The following CFAP54 variants were observed in gnomAD, a reference collection of about 807,000 sequenced individuals.
CFAP54 encodes cilia and flagella associated protein 54.
CFAP54 carries 290 observed loss-of-function variants against 370.4 expected under a neutral mutation model. The ratio of observed to expected loss-of-function variants is 0.78; its 90% CI spans 0.71 to 0.86. The LOEUF (loss-of-function observed/expected upper bound fraction) is 0.86, where lower values mean the gene tolerates loss of function less well. Ranked by LOEUF, CFAP54 falls within the 40% of genes least tolerant of loss-of-function variation. The pLI is 0.00. For synonymous variants in CFAP54, 1,206 were observed against 1,236.5 expected (o/e 0.98, Z 0.52); for missense variants, 3,399 against 3,528.7 (o/e 0.96, Z 0.93).
At chr12:96,556,487 C>G (rs902773421) in intron 17 of CFAP54, among the ~76,000 whole-genome samples, 1 of 151,780 alleles carries the variant, frequency 6.6e-6, no homozygotes, top group Non-Finnish European at 1.5e-5. Context: ...ATTGCTGTAA[C>G]AAATTACTAC....
intron 2 of CFAP54, among the ~76,000 whole-genome samples, chr12:96,502,982 G>A (rs1328821279): frequency 3.3e-5 from 5 of 151,684 alleles, no homozygotes; most frequent in Non-Finnish European, 7.4e-5. Flanking sequence ...CTCTTCTTTG[G>A]TTCCCTCTTT....
At chr12:96,663,711 TAGCA>T in intron 38 of CFAP54, 115 bp from the exon 39 acceptor site, 1 of 663,798 alleles carries the variant, frequency 1.5e-6, no homozygotes, top group Non-Finnish European at 2.6e-6. Context: ...GCTTTTTTTG[TAGCA>T]TTGTTATGTA....
chr12:96,646,552 CA>C (rs745707680), intron 33 of CFAP54: 1 of 152,174 alleles, frequency 6.6e-6, no homozygotes, highest in African/African-American at 2.4e-5. Flanking sequence ...GGCGATTCCT[CA>C]GGGATCTAGA....
chr12:96,707,985 G>A (rs1170826329), intron 47 of CFAP54, among the ~76,000 whole-genome samples: 1 of 152,120 alleles, frequency 6.6e-6, no homozygotes, highest in Non-Finnish European at 1.5e-5. Context: ...GTTTGGTTGG[G>A]TACTTAAAAT....
intron 5 of CFAP54, among the ~76,000 whole-genome samples, chr12:96,518,502 C>T (rs920553142): frequency 1.3e-5 from 2 of 152,096 alleles, no homozygotes; most frequent in Non-Finnish European, 2.9e-5. Flanking sequence ...GCTTGGTCAA[C>T]GTGGTAAAAC....
At chr12:96,789,224 G>A (rs936280072) in intron 62 of CFAP54, among the ~76,000 whole-genome samples, 5 of 152,292 alleles carry the variant, frequency 3.3e-5, no homozygotes, top group Admixed American at 6.5e-5. Flanking sequence ...GGAAGAAAGC[G>A]CAGAAATAGG....
At chr12:96,579,727 C>A (rs547061752) in intron 20 of CFAP54, among the ~76,000 whole-genome samples, 1 of 152,144 alleles carries the variant, frequency 6.6e-6, no homozygotes, top group African/African-American at 2.4e-5. Context: ...CTCCCTTTTT[C>A]TCTGTAGGGA....
intron 36 of CFAP54, among the ~76,000 whole-genome samples, chr12:96,654,029 C>T (rs969877726): frequency 2.0e-5 from 3 of 152,092 alleles, no homozygotes; most frequent in Admixed American, 1.3e-4. Flanking sequence ...GAAAGCACAA[C>T]TTAACAATCT....
At chr12:96,654,588 C>G (rs1466522499) in intron 36 of CFAP54, among the ~76,000 whole-genome samples, 1 of 152,018 alleles carries the variant, frequency 6.6e-6, no homozygotes, top group Non-Finnish European at 1.5e-5. Context: ...ATTCAGGGTG[C>G]CCATCACCCA....
intron 9 of CFAP54, among the ~76,000 whole-genome samples, chr12:96,527,789 G>A (rs1388985250): frequency 2.0e-5 from 3 of 152,062 alleles, no homozygotes; most frequent in South Asian, 2.1e-4. Context: ...GTCTGGTCTC[G>A]ACCTCCTGGG....
At chr12:96,770,124 C>T (rs934311307) in intron 60 of CFAP54, among the ~76,000 whole-genome samples, 3 of 151,958 alleles carry the variant, frequency 2.0e-5, no homozygotes, top group African/African-American at 7.3e-5. Context: ...CTACTCAAAT[C>T]CCAAATAATT....
At chr12:96,828,691 T>A (rs1299730913) in intron 65 of CFAP54, among the ~76,000 whole-genome samples, 1 of 152,128 alleles carries the variant, frequency 6.6e-6, no homozygotes, top group East Asian at 1.9e-4. Context: ...TTCCATAATT[T>A]CCAGTCATTC....
At chr12:96,605,464 C>T (rs540036830) in intron 26 of CFAP54, among the ~76,000 whole-genome samples, 1 of 152,260 alleles carries the variant, frequency 6.6e-6, no homozygotes, top group East Asian at 1.9e-4. Context: ...GATTGGTGTG[C>T]AGGACCCTGA....
intron 66 of CFAP54, among the ~76,000 whole-genome samples, chr12:96,857,591 T>TA (rs1959745641): frequency 6.6e-6 from 1 of 152,194 alleles, no homozygotes; most frequent in African/African-American, 2.4e-5. Flanking sequence ...TCTGTATCTC[T>TA]ACCCAAATCT....
intron 63 of CFAP54, among the ~76,000 whole-genome samples, chr12:96,806,159 A>AAT (rs548500750): frequency 0.014 from 377 of 27,526 alleles, 3 homozygotes; most frequent in Middle Eastern, 0.042. Context: ...TCACTAGCCA[A>AAT]ATATATATAT....
chr12:96,823,385 C>T (rs1401341949), intron 65 of CFAP54, among the ~76,000 whole-genome samples: 1 of 152,124 alleles, frequency 6.6e-6, no homozygotes, highest in Non-Finnish European at 1.5e-5. Flanking sequence ...AGTAACTGAA[C>T]CTTAGTGCTT....
chr12:96,713,272 G>A (rs915506306), intron 48 of CFAP54, among the ~76,000 whole-genome samples: 2 of 152,054 alleles, frequency 1.3e-5, no homozygotes, highest in Admixed American at 6.6e-5. Context: ...GCCAAGATAT[G>A]GAATCAACCT....
intron 6 of CFAP54, among the ~76,000 whole-genome samples, chr12:96,520,341 C>T (rs187501199): frequency 9.3e-4 from 141 of 152,096 alleles, no homozygotes; most frequent in African/African-American, 3.0e-3. Context: ...ATCAGGAGTT[C>T]GAGACCAGCT....
At chr12:96,754,034 A>C (rs569556584) in intron 56 of CFAP54, 136 bp downstream of exon 56, 2 of 714,028 alleles carry the variant, frequency 2.8e-6, no homozygotes, top group South Asian at 7.3e-5. Flanking sequence ...GATTAACACA[A>C]TGGTACCTCC....
Sources: gnomAD v4.1 joint callset for allele counts (sites outside exome capture counted in the v4.1 genomes callset) on GRCh38, gnomAD v4.1.1 for gene constraint, MANE v1.5 for transcripts, NCBI Gene and HGNC (gene_info 2026-07-23, HGNC 2026-07-21) for gene names.